The following ZNF438 variants were observed in gnomAD, a reference collection of about 807,000 sequenced individuals.
The protein encoded by ZNF438 is zinc finger protein 438.
A neutral mutation model predicts 38.0 loss-of-function variants in ZNF438; 25 were observed. That is an observed-to-expected ratio of 0.66 (90% confidence interval 0.48 to 0.92). The LOEUF (loss-of-function observed/expected upper bound fraction) is 0.92, where lower values mean the gene tolerates loss of function less well. ZNF438 is among the 40% of genes least tolerant of loss of function. The pLI, the probability that ZNF438 is intolerant of heterozygous loss-of-function variation, is 0.00. For missense variants in ZNF438, 1,007 were observed against 999.6 expected, an observed-to-expected ratio of 1.01 and a Z score of -0.10; for synonymous variants, 372 against 364.1, an observed-to-expected ratio of 1.02 and a Z score of -0.25.
intron 4 of ZNF438, among the ~76,000 whole-genome samples, chr10:30,872,175 T>A (rs2037526308): frequency 6.7e-6 from 1 of 149,916 alleles, no homozygotes; most frequent in Non-Finnish European, 1.5e-5. Context: ...GTGGGCGGAT[T>A]ACAAGGTACA....
chr10:30,994,554 C>A (rs1257586257), intron 1 of ZNF438, among the ~76,000 whole-genome samples: 1 of 152,162 alleles, frequency 6.6e-6, no homozygotes, highest in Non-Finnish European at 1.5e-5. Context: ...GTAGAGAATT[C>A]CCACCAGCAA....
intron 1 of ZNF438, among the ~76,000 whole-genome samples, chr10:30,978,737 G>A (rs1228366630): frequency 6.6e-6 from 1 of 152,150 alleles, no homozygotes; most frequent in Non-Finnish European, 1.5e-5. Flanking sequence ...CAGTTGTGGT[G>A]TTCTGTATCT....
chr10:30,979,789 G>C (rs544347443), intron 1 of ZNF438, among the ~76,000 whole-genome samples: 17 of 152,212 alleles, frequency 1.1e-4, no homozygotes, highest in African/African-American at 3.6e-4. Flanking sequence ...TTTAAACTGA[G>C]GAGAAATCTC....
chr10:30,940,134 C>T (rs1019056212), intron 2 of ZNF438, among the ~76,000 whole-genome samples: 2 of 151,874 alleles, frequency 1.3e-5, no homozygotes, highest in Non-Finnish European at 2.9e-5. Flanking sequence ...GGATGAAAGA[C>T]AAAGGAAATG....
chr10:31,026,993 C>G (rs573320549), intron 1 of ZNF438, among the ~76,000 whole-genome samples: 1 of 150,236 alleles, frequency 6.7e-6, no homozygotes, highest in African/African-American at 2.5e-5. Flanking sequence ...TTCACAAGGA[C>G]AGAAAACCAC....
At chr10:30,989,648 T>C (rs144876401) in intron 1 of ZNF438, among the ~76,000 whole-genome samples, 80 of 152,324 alleles carry the variant, frequency 5.3e-4, no homozygotes, top group East Asian at 4.2e-3. Context: ...CGAGAATGTA[T>C]GCAAAAATAT....
At chr10:30,936,928 T>A (rs1173831934) in intron 2 of ZNF438, among the ~76,000 whole-genome samples, 3 of 152,166 alleles carry the variant, frequency 2.0e-5, no homozygotes, top group Non-Finnish European at 4.4e-5. Flanking sequence ...CATAAAAAAA[T>A]TTTAAACACA....
chr10:30,887,119 C>A (rs1261480537), intron 3 of ZNF438, among the ~76,000 whole-genome samples: 1 of 152,198 alleles, frequency 6.6e-6, no homozygotes, highest in Non-Finnish European at 1.5e-5. Flanking sequence ...AACTAACACA[C>A]CAAGCCAATA....
chr10:30,876,543 CA>C (rs1219867132), intron 4 of ZNF438, among the ~76,000 whole-genome samples: 1 of 152,030 alleles, frequency 6.6e-6, no homozygotes, highest in Non-Finnish European at 1.5e-5. Context: ...AAATGGATAT[CA>C]GGGGAAACAG....
intron 4 of ZNF438, among the ~76,000 whole-genome samples, chr10:30,859,626 G>C (rs2035254664): frequency 6.6e-6 from 1 of 152,122 alleles, no homozygotes; most frequent in Non-Finnish European, 1.5e-5. Context: ...CTAAATGTTA[G>C]GATCTATGAA....
intron 2 of ZNF438, among the ~76,000 whole-genome samples, chr10:30,911,272 C>T (rs1468411438): frequency 6.6e-6 from 1 of 152,160 alleles, no homozygotes; most frequent in Non-Finnish European, 1.5e-5. Flanking sequence ...GTGGGACACA[C>T]TCAGCAGCTT....
At chr10:30,871,442 T>A (rs560138342) in intron 4 of ZNF438, among the ~76,000 whole-genome samples, 2 of 152,306 alleles carry the variant, frequency 1.3e-5, no homozygotes, top group South Asian at 4.1e-4. Context: ...GCCTACTACA[T>A]GCCAGGACGC....
At chr10:30,875,419 T>C (rs2038258953) in intron 4 of ZNF438, 1 of 978,826 alleles carries the variant, frequency 1.0e-6, no homozygotes, top group Non-Finnish European at 1.2e-6. Flanking sequence ...TTGCCTGGGG[T>C]TCCACAGCTG....
intron 1 of ZNF438, among the ~76,000 whole-genome samples, chr10:30,989,963 C>T (rs2053293170): frequency 6.6e-6 from 1 of 152,162 alleles, no homozygotes; most frequent in Admixed American, 6.5e-5. Flanking sequence ...ACCCCTTAAA[C>T]AGTAGGGCTT....
At chr10:30,879,331 GC>G (rs771418810) in intron 3 of ZNF438, among the ~76,000 whole-genome samples, 40 of 152,302 alleles carry the variant, frequency 2.6e-4, no homozygotes, top group Non-Finnish European at 5.1e-4. Context: ...AAATCTTAAA[GC>G]AAGACATGAA....
intron 3 of ZNF438, among the ~76,000 whole-genome samples, chr10:30,897,348 A>G (rs73249061): frequency 0.012 from 1,829 of 152,292 alleles, 43 homozygotes; most frequent in African/African-American, 0.042. Flanking sequence ...ATTCCCCCCA[A>G]TACTATCACC....
intron 2 of ZNF438, among the ~76,000 whole-genome samples, chr10:30,940,664 G>C (rs535780726): frequency 1.3e-5 from 2 of 152,158 alleles, no homozygotes; most frequent in Non-Finnish European, 2.9e-5. Context: ...CCATTAAAGC[G>C]TTTTAAAATT....
At chr10:30,919,567 G>A (rs1157484205) in intron 2 of ZNF438, 6 of 151,884 alleles carry the variant, frequency 4.0e-5, no homozygotes, top group Non-Finnish European at 8.8e-5. Context: ...TTTCTTTTGC[G>A]TGTGATTTTG....
At chr10:30,915,157 A>G (rs1445158197) in intron 2 of ZNF438, among the ~76,000 whole-genome samples, 3 of 152,098 alleles carry the variant, frequency 2.0e-5, no homozygotes, top group Non-Finnish European at 2.9e-5. Flanking sequence ...ATAAAAAAGC[A>G]ATATGAAAGG....
Sources: gnomAD v4.1 joint callset for allele counts (sites outside exome capture counted in the v4.1 genomes callset) on GRCh38, gnomAD v4.1.1 for gene constraint, MANE v1.5 for transcripts, NCBI Gene and HGNC (gene_info 2026-07-23, HGNC 2026-07-21) for gene names.